The following KLF15 variants were observed in gnomAD, a reference collection of about 807,000 sequenced individuals.
KLF15 encodes Krueppel-like factor 15.
A neutral mutation model predicts 24.6 loss-of-function variants in KLF15; 4 were observed. The ratio of observed to expected loss-of-function variants is 0.16; its 90% confidence interval spans 0.08 to 0.37. The LOEUF (loss-of-function observed/expected upper bound fraction) is 0.37, where lower values mean the gene tolerates loss of function less well. Among genes scored for constraint, KLF15 ranks in the 10% least tolerant of loss-of-function variants. The pLI, the probability that KLF15 is intolerant of heterozygous loss-of-function variation, is 1.00. For synonymous variants in KLF15, 246 were observed against 236.3 expected (o/e 1.04, Z -0.37); for missense variants, 496 against 560.6 (o/e 0.88, Z 1.16).
chr3:126,305,658 C>T, the KLF15 span, among the ~76,000 whole-genome samples: 1 of 152,102 alleles, frequency 6.6e-6, no homozygotes, highest in Non-Finnish European at 1.5e-5. Context: ...AAGGAATGAG[C>T]TGCTTTTCTA....
chr3:126,313,887 G>T, the KLF15 span, among the ~76,000 whole-genome samples: 1 of 152,196 alleles, frequency 6.6e-6, no homozygotes, highest in Non-Finnish European at 1.5e-5. Context: ...TTCAGCTGAG[G>T]CTTGAGCAGA....
the KLF15 span, among the ~76,000 whole-genome samples, chr3:126,334,165 G>C: frequency 1.3e-5 from 2 of 151,966 alleles, no homozygotes; most frequent in Non-Finnish European, 2.9e-5. Flanking sequence ...TGACCACATA[G>C]TTGGAAGCAA....
rs955253259 is a variant in KLF15, at chr3:126,356,213, C to T, written c.-26+1024G>A. ...AAGAGTCTCCGGTCCCTGAGCCGCC[C>T]GCAGGCCCCAAAGTCGCAGAGTCCG... On this transcript the variant is annotated intron_variant, in intron 1 of 2. Coordinates refer to ENST00000296233, the MANE Select transcript of KLF15 (RefSeq NM_014079.4). The surrounding 1 kb of genome is among the most constrained non-coding windows in gnomAD (Gnocchi z 4.4). 3.3e-5 allele frequency among the ~76,000 whole-genome samples: 5 copies of T among 152,138 alleles called. No homozygotes were observed. The highest frequency in any genetic ancestry group is 1.2e-4 in the African/African-American group (5 of 41,444).
rs929442618 is a variant in KLF15, at chr3:126,349,439, G to A, written c.1082+2402C>T. ...TTGCCAAGTGGGTCCTGGGCAGCAC[G>A]ACCAGTGCCAGGGCTCAGATGTGTC... On this transcript the variant is annotated intron_variant, in intron 2 of 2. Coordinates refer to ENST00000296233, the MANE Select transcript of KLF15 (RefSeq NM_014079.4). Among the ~76,000 whole-genome samples, 7 of 152,160 alleles carry A rather than the reference G, an allele frequency of 4.6e-5. No homozygotes were observed. The South Asian group carries it at 8.3e-4, about 18-fold the overall frequency.
At chr3:126,312,661 A>G in the KLF15 span, among the ~76,000 whole-genome samples, 408 of 152,254 alleles carry the variant, frequency 2.7e-3, 12 homozygotes, top group East Asian at 0.069. Flanking sequence ...TCATCTCTCT[A>G]ATTAAAATTT....
At chr3:126,322,393 G>T in the KLF15 span, among the ~76,000 whole-genome samples, 1 of 152,038 alleles carries the variant, frequency 6.6e-6, no homozygotes, top group Non-Finnish European at 1.5e-5. Flanking sequence ...CCAGCTCCTT[G>T]CCCCCTCTTC....
chr3:126,309,885 C>A, the KLF15 span, among the ~76,000 whole-genome samples: 4 of 152,182 alleles, frequency 2.6e-5, no homozygotes, highest in African/African-American at 9.7e-5. Context: ...GCTCAATGGC[C>A]AAGGCAGGAG....
the KLF15 span, among the ~76,000 whole-genome samples, chr3:126,331,400 G>A: frequency 1.3e-5 from 2 of 152,204 alleles, no homozygotes; most frequent in East Asian, 3.8e-4. Context: ...TATGCAATTA[G>A]AAGTGTCTTG....
the KLF15 span, among the ~76,000 whole-genome samples, chr3:126,293,607 G>C: frequency 3.3e-5 from 5 of 152,142 alleles, no homozygotes; most frequent in Non-Finnish European, 7.3e-5. Flanking sequence ...CTCACCCCAG[G>C]GCTCAGGTAG....
the KLF15 span, among the ~76,000 whole-genome samples, chr3:126,323,419 A>C: frequency 2.1e-5 from 1 of 47,566 alleles, no homozygotes; most frequent in African/African-American, 8.6e-5. Context: ...ATATATATAT[A>C]TATATATATA....
downstream of KLF15, among the ~76,000 whole-genome samples, chr3:126,338,819 G>A (rs1033366968): frequency 1.3e-5 from 2 of 152,170 alleles, no homozygotes; most frequent in South Asian, 2.1e-4. Flanking sequence ...TGGCTCTGTC[G>A]TAGCCTTGCG....
the KLF15 span, among the ~76,000 whole-genome samples, chr3:126,307,456 G>A: frequency 1.3e-5 from 2 of 152,202 alleles, no homozygotes; most frequent in Admixed American, 6.5e-5. Flanking sequence ...ATGAACAAAG[G>A]AGAGAAATGA....
chr3:126,327,313 A>G, the KLF15 span, among the ~76,000 whole-genome samples: 1 of 152,054 alleles, frequency 6.6e-6, no homozygotes, highest in Non-Finnish European at 1.5e-5. Flanking sequence ...AGAGGTTTTC[A>G]CTTTTCCTCC....
downstream of KLF15, chr3:126,342,570 A>G (rs2082487724): frequency 6.6e-6 from 1 of 152,486 alleles, no homozygotes; most frequent in Non-Finnish European, 1.5e-5. Context: ...GGAGACATAG[A>G]CTCGGCCCCA....
the KLF15 span, among the ~76,000 whole-genome samples, chr3:126,335,055 C>T: frequency 1.5e-5 from 1 of 68,068 alleles, no homozygotes; most frequent in Non-Finnish European, 2.7e-5. Flanking sequence ...AAGAGGGAAT[C>T]CTCCCTAACT....
chr3:126,309,734 AG>A, the KLF15 span, among the ~76,000 whole-genome samples: 1 of 152,186 alleles, frequency 6.6e-6, no homozygotes, highest in African/African-American at 2.4e-5. Flanking sequence ...AGAATGTACA[AG>A]ATGATCCTGG....
At chr3:126,289,483 A>G in the KLF15 span, among the ~76,000 whole-genome samples, 2 of 152,236 alleles carry the variant, frequency 1.3e-5, no homozygotes, top group African/African-American at 2.4e-5. Context: ...AGAGTAGGAA[A>G]TGGGTAAGGA....
the KLF15 span, chr3:126,291,183 A>G: frequency 2.0e-5 from 3 of 152,326 alleles, no homozygotes; most frequent in African/African-American, 7.2e-5. Flanking sequence ...AGAGGATGGC[A>G]GAAACCTACT....
At chr3:126,348,372 C>T (rs1355179937) in intron 2 of KLF15, among the ~76,000 whole-genome samples, 11 of 152,094 alleles carry the variant, frequency 7.2e-5, no homozygotes. Context: ...AGCTCTTTTC[C>T]CATAGCCCAG....
Sources: gnomAD v4.1 joint callset for allele counts (sites outside exome capture counted in the v4.1 genomes callset) on GRCh38, gnomAD v4.1.1 for gene constraint, Gnocchi (gnomAD v3.1) non-coding constraint, MANE v1.5 for transcripts, NCBI Gene and HGNC (gene_info 2026-07-23, HGNC 2026-07-21) for gene names.